Variants in GRM8 observed in about 807,000 individuals in gnomAD.
GRM8 encodes the protein metabotropic glutamate receptor 8.
GRM8 carries 47 observed loss-of-function variants against 87.2 expected under a neutral mutation model. The observed-to-expected ratio is 0.54, with a 90% confidence interval of 0.43 to 0.69. The LOEUF (loss-of-function observed/expected upper bound fraction) is 0.69. Among genes scored for constraint, GRM8 ranks in the 30% least tolerant of loss-of-function variants. The pLI is 0.00. For missense variants in GRM8, 1,019 were observed against 1,139.2 expected (o/e 0.89, Z 1.52); for synonymous variants, 396 against 404.5 (o/e 0.98, Z 0.25).
chr7:126,446,388 A>G lies in GRM8; in HGVS notation c.2431-16T>C, dbSNP rs756666085. 197 of 1,555,448 alleles carry G rather than the reference A, an allele frequency of 1.3e-4. No individual in the cohort carries two copies. Among genetic ancestry groups the G allele is most frequent in the Non-Finnish European group, 1.6e-4 (187 of 1,140,698 alleles). On this transcript the variant is annotated splice_polypyrimidine_tract_variant and intron_variant, in intron 9 of 10. Coordinates refer to ENST00000339582, the MANE Select transcript of GRM8 (RefSeq NM_000845.3). ...GGATGTACATCTGAGGGAAGAAAAA[A>G]AAAAGAATCACTGTTGGTAAGCCTA...
intron 2 of GRM8, among the ~76,000 whole-genome samples, chr7:127,148,511 G>T (rs2133302469): frequency 6.6e-6 from 1 of 151,852 alleles, no homozygotes; most frequent in East Asian, 1.9e-4. Context: ...TCCAACAGCA[G>T]TATAATACAT....
chr7:126,849,837 T>C (rs1797045554), intron 6 of GRM8, among the ~76,000 whole-genome samples: 1 of 152,076 alleles, frequency 6.6e-6, no homozygotes, highest in African/African-American at 2.4e-5. Flanking sequence ...ACCCTTCCAC[T>C]TGTACAATAG....
At chr7:127,152,304 T>C (rs11563702) in intron 2 of GRM8, among the ~76,000 whole-genome samples, 5 of 152,048 alleles carry the variant, frequency 3.3e-5, no homozygotes, top group Non-Finnish European at 5.9e-5. Flanking sequence ...GCAATGCAGG[T>C]AAAGCACTTG....
At chr7:126,934,417 G>T (rs1806077358) in intron 3 of GRM8, among the ~76,000 whole-genome samples, 1 of 152,004 alleles carries the variant, frequency 6.6e-6, no homozygotes, top group Admixed American at 6.6e-5. Context: ...GAACATACTG[G>T]CAATATCTAA....
intron 7 of GRM8, among the ~76,000 whole-genome samples, chr7:126,756,900 A>G (rs1009907358): frequency 2.3e-4 from 35 of 152,142 alleles, no homozygotes; most frequent in Admixed American, 1.4e-3. Flanking sequence ...ATTATTTAAA[A>G]GAATGACGAT....
chr7:126,800,334 C>T (rs2151704278), intron 6 of GRM8, among the ~76,000 whole-genome samples: 1 of 152,184 alleles, frequency 6.6e-6, no homozygotes, highest in Middle Eastern at 3.4e-3. Flanking sequence ...AGTCCATCTG[C>T]ACACCCATCA....
chr7:126,747,189 C>T (rs1419292560), intron 7 of GRM8, among the ~76,000 whole-genome samples: 3 of 151,830 alleles, frequency 2.0e-5, no homozygotes, highest in Admixed American at 1.3e-4. Context: ...AGAGGATAGC[C>T]GTATACATAG....
chr7:126,997,633 T>C (rs2132004080), intron 3 of GRM8, among the ~76,000 whole-genome samples: 1 of 150,694 alleles, frequency 6.6e-6, no homozygotes, highest in Admixed American at 6.6e-5. Context: ...ATTTAAAGGA[T>C]CATTAGTGAC....
At chr7:126,488,982 A>G (rs1807689420) in intron 9 of GRM8, among the ~76,000 whole-genome samples, 1 of 151,784 alleles carries the variant, frequency 6.6e-6, no homozygotes, top group South Asian at 2.1e-4. Flanking sequence ...TATATACTTA[A>G]TATATTATAG....
intron 6 of GRM8, among the ~76,000 whole-genome samples, chr7:126,776,877 A>T (rs1254759666): frequency 6.6e-6 from 1 of 152,112 alleles, no homozygotes; most frequent in Non-Finnish European, 1.5e-5. Context: ...TCTTATTTCT[A>T]ACTGCTTCCT....
rs370933027 is a variant in GRM8, at chr7:126,533,228, G to A, written c.2154C>T (p.Pro718=). 6.2e-7 allele frequency: 1 copy of A among 1,613,282 alleles called. No individual in the cohort carries two copies. The highest frequency in any genetic ancestry group is 1.1e-5 in the South Asian group (1 of 91,012). ...LGVFVWFVVD[P]PHIIIDYGEQ... ...CTCCATAGTCAATGATGATGTGGGG[G>A]GGATCCACAACAAACCAGACAAACA... is the stretch of plus-strand genomic sequence containing the variant. The change falls in exon 9 of 11, where the codon CCC becomes CCT. Residue 718 remains proline (P), a synonymous_variant. Transcript: ENST00000339582.
chr7:127,104,272 T>C (rs1825609385), intron 3 of GRM8, among the ~76,000 whole-genome samples: 1 of 152,184 alleles, frequency 6.6e-6, no homozygotes, highest in Admixed American at 6.5e-5. Flanking sequence ...CTGAGGTTTT[T>C]TTTTAAAAAC....
At chr7:126,672,123 A>G (rs1003014002) in intron 7 of GRM8, among the ~76,000 whole-genome samples, 5 of 152,230 alleles carry the variant, frequency 3.3e-5, no homozygotes, top group African/African-American at 1.2e-4. Context: ...GTTAATATCC[A>G]TAGCATAAAT....
At chr7:126,783,704 G>T (rs1174966972) in intron 6 of GRM8, among the ~76,000 whole-genome samples, 2 of 152,098 alleles carry the variant, frequency 1.3e-5, no homozygotes, top group Non-Finnish European at 2.9e-5. Context: ...GTTGGTATGG[G>T]GTGTCTGCTT....
At chr7:127,147,212 A>G (rs1413135169) in intron 2 of GRM8, among the ~76,000 whole-genome samples, 4 of 152,058 alleles carry the variant, frequency 2.6e-5, no homozygotes, top group South Asian at 2.1e-4. Flanking sequence ...AGAAAGCCTC[A>G]GAGAGCTAAT....
chr7:126,932,958 G>A (rs958257307), intron 3 of GRM8, among the ~76,000 whole-genome samples: 1 of 152,166 alleles, frequency 6.6e-6, no homozygotes, highest in African/African-American at 2.4e-5. Flanking sequence ...ATATCAAGAA[G>A]CAGTAAGTTA....
intron 3 of GRM8, among the ~76,000 whole-genome samples, chr7:126,951,352 T>C (rs1159341844): frequency 2.6e-5 from 4 of 152,104 alleles, no homozygotes; most frequent in African/African-American, 7.2e-5. Context: ...GAGTGACAGA[T>C]ACTGCCTTGG....
intron 8 of GRM8, among the ~76,000 whole-genome samples, chr7:126,547,515 A>T (rs1817293755): frequency 6.6e-6 from 1 of 151,950 alleles, no homozygotes; most frequent in Non-Finnish European, 1.5e-5. Context: ...AATTCTGGAT[A>T]ATAATTATAA....
intron 7 of GRM8, among the ~76,000 whole-genome samples, chr7:126,629,883 C>T (rs1801083082): frequency 6.6e-6 from 1 of 152,076 alleles, no homozygotes; most frequent in Non-Finnish European, 1.5e-5. Flanking sequence ...AAAAGCAAAA[C>T]ATAGTCTGAC....
Sources: gnomAD v4.1 joint callset for allele counts (sites outside exome capture counted in the v4.1 genomes callset) on GRCh38, gnomAD v4.1.1 for gene constraint, MANE v1.5 for transcripts, NCBI Gene and HGNC (gene_info 2026-07-23, HGNC 2026-07-21) for gene names.